Variants in SYBU observed in about 807,000 individuals in gnomAD.
The protein encoded by SYBU is syntabulin, also known as GOLSYN A protein.
Under a neutral mutation model 35.9 loss-of-function variants are expected in SYBU, and 21 were observed. The observed-to-expected ratio is 0.58, with a 90% CI of 0.41 to 0.84. The LOEUF (loss-of-function observed/expected upper bound fraction) is 0.84. Ranked by LOEUF, SYBU falls within the 40% of genes least tolerant of loss-of-function variation. The pLI is 0.00. For missense variants in SYBU, 768 were observed against 848.2 expected, an observed-to-expected ratio of 0.91 and a Z score of 1.17; for synonymous variants, 319 against 324.3, an observed-to-expected ratio of 0.98 and a Z score of 0.18.
chr8:109,576,572 A>G (rs1264042057), intron 6 of SYBU, among the ~76,000 whole-genome samples: 1 of 152,212 alleles, frequency 6.6e-6, no homozygotes, highest in Non-Finnish European at 1.5e-5. Context: ...AATTGTTCAT[A>G]TGGTATTCCA....
intron 1 of SYBU, among the ~76,000 whole-genome samples, chr8:109,676,476 A>G (rs1325148342): frequency 6.6e-6 from 1 of 152,246 alleles, no homozygotes. Context: ...AATCACAAGC[A>G]TTCTTATCTC....
rs150205342 is a variant in SYBU, at chr8:109,637,061, C to A, written c.229+5667G>T. Among the ~76,000 whole-genome samples the A allele has an allele frequency of 1.4e-3, 214 of 152,270 alleles. 1 individual carries two copies. The Middle Eastern group carries it at 0.017, about 12-fold the overall frequency. ...ACCCCTCATACTCCTCATACCAAAT[C>A]CCCAAATACACACAGACCACAAAGA... On this transcript the variant is annotated intron_variant, in intron 2 of 6. Coordinates refer to ENST00000276646, the MANE Select transcript of SYBU (RefSeq NM_001099754.2).
At position 109,575,547 on chromosome 8, in the gene SYBU, T is replaced by C. The variant is rs376741303; in HGVS notation, c.1351A>G (p.Thr451Ala). 1.2e-6 allele frequency: 2 copies of C among 1,614,018 alleles called. No individual in the cohort carries two copies. The highest frequency in any genetic ancestry group is 2.7e-5 in the African/African-American group (2 of 74,916). ...LFDEIVTATT[T>A]ESGDLELVHS... Reference sequence around the variant, plus strand: ...ACAAGCTCCAGGTCACCAGATTCTGTGGTGGTGGCTGTCACTATCTCATCG... The same window carrying C: ...ACAAGCTCCAGGTCACCAGATTCTGCGGTGGTGGCTGTCACTATCTCATCG... Residue 451 changes from threonine (T) to alanine (A), a missense_variant, in exon 7 of 7, where the codon ACA becomes GCA. Physicochemically the swap from Thr to Ala is moderately conservative, Grantham distance 58. Transcript: ENST00000276646.
chr8:109,638,078 T>C (rs1269834374), intron 2 of SYBU, among the ~76,000 whole-genome samples: 1 of 152,204 alleles, frequency 6.6e-6, no homozygotes, highest in Non-Finnish European at 1.5e-5. Flanking sequence ...ATAACTCAGA[T>C]AAATTACTGT....
upstream of SYBU, among the ~76,000 whole-genome samples, chr8:109,684,346 T>A (rs1404646677): frequency 6.6e-6 from 1 of 152,222 alleles, no homozygotes; most frequent in East Asian, 1.9e-4. Flanking sequence ...GTGAGTTAAG[T>A]TCAGGATGAT....
rs533594493 is a variant in SYBU, at chr8:109,686,826, T to C, written c.-58+4507A>G. On this transcript the variant is annotated intron_variant, in intron 1 of 7. Transcript: ENST00000422135. ...GAGATTAAATTCATATTTCATTCCT[T>C]ATTTTCAGAGAAATAGATAATTTCT... Among the ~76,000 whole-genome samples, 6 of 152,314 alleles carry C rather than the reference T, an allele frequency of 3.9e-5. No homozygotes were observed. The South Asian group carries it at 1.0e-3, about 26-fold the overall frequency.
chr8:109,642,946 ATC>A lies in SYBU; in HGVS notation c.25-16_25-15del, dbSNP rs1490417423. The stretch of plus-strand genomic sequence containing the variant: ...TCTGTGCTCCTTCTCAAAATTGGAC[ATC>A]AAAAAAGAAAACAAAAGGAAACGCG... On this transcript the variant is annotated splice_polypyrimidine_tract_variant and intron_variant, in intron 1 of 6. Coordinates refer to ENST00000276646, the MANE Select transcript of SYBU (RefSeq NM_001099754.2). 1 of 1,454,540 alleles carries A rather than the reference ATC, an allele frequency of 6.9e-7. No homozygotes were observed. The highest frequency in any genetic ancestry group is 9.1e-7 in the Non-Finnish European group (1 of 1,097,440). 90.1% of individuals were successfully genotyped at this position (1,454,540 alleles called of 1,614,324 possible). A position where few individuals can be genotyped will look rare whatever the true frequency, so the allele number is the denominator to read the frequency against.
intron 1 of SYBU, among the ~76,000 whole-genome samples, chr8:109,679,052 A>C (rs888805280): frequency 1.7e-4 from 26 of 152,102 alleles, no homozygotes; most frequent in Non-Finnish European, 2.9e-5. Context: ...GCTGGCCTAA[A>C]CCCACCAAAA....
At chr8:109,667,571 A>T (rs1457711927) in intron 1 of SYBU, among the ~76,000 whole-genome samples, 1 of 151,454 alleles carries the variant, frequency 6.6e-6, no homozygotes, top group Non-Finnish European at 1.5e-5. Flanking sequence ...CTACCACATA[A>T]AATACTGTGC....
At chr8:109,628,706 C>T (rs188055862) in intron 2 of SYBU, among the ~76,000 whole-genome samples, 2 of 151,930 alleles carry the variant, frequency 1.3e-5, no homozygotes, top group Admixed American at 6.6e-5. Flanking sequence ...TCTATAGTCC[C>T]GGCTATGCAG....
chr8:109,641,622 C>T (rs903357793), intron 2 of SYBU, among the ~76,000 whole-genome samples: 7 of 152,228 alleles, frequency 4.6e-5, no homozygotes, highest in Non-Finnish European at 8.8e-5. Context: ...CTATAACTCT[C>T]CTTGATCTTG....
chr8:109,598,162 C>T (rs1825109459), intron 3 of SYBU, among the ~76,000 whole-genome samples: 1 of 152,210 alleles, frequency 6.6e-6, no homozygotes, highest in Non-Finnish European at 1.5e-5. Context: ...CCTGAGATCC[C>T]CCAGCAGCTT....
At chr8:109,680,637 C>A (rs749715688) in intron 1 of SYBU, 1 of 147,840 alleles carries the variant, frequency 6.8e-6, no homozygotes, top group South Asian at 2.2e-4. Flanking sequence ...AATATTTTTA[C>A]GACAAATCTT....
At chr8:109,623,369 G>A (rs1203252985) in intron 2 of SYBU, among the ~76,000 whole-genome samples, 2 of 152,108 alleles carry the variant, frequency 1.3e-5, no homozygotes, top group Non-Finnish European at 2.9e-5. Context: ...TGTTGTTCTT[G>A]TTCATTTGCT....
chr8:109,636,912 C>T (rs1351904659), intron 2 of SYBU, among the ~76,000 whole-genome samples: 5 of 152,132 alleles, frequency 3.3e-5, no homozygotes, highest in Admixed American at 2.6e-4. Flanking sequence ...CTACAATTTC[C>T]AGGGACTGTG....
intron 3 of SYBU, among the ~76,000 whole-genome samples, chr8:109,600,879 C>T (rs1369026725): frequency 6.6e-6 from 1 of 152,118 alleles, no homozygotes; most frequent in Non-Finnish European, 1.5e-5. Flanking sequence ...CTCTTATGAA[C>T]AAGGTCGACA....
chr8:109,624,447 CA>C (rs1323390323), intron 2 of SYBU, among the ~76,000 whole-genome samples: 1 of 152,154 alleles, frequency 6.6e-6, no homozygotes, highest in Non-Finnish European at 1.5e-5. Context: ...GATGGAATAA[CA>C]GAAATAGAAA....
intron 3 of SYBU, among the ~76,000 whole-genome samples, chr8:109,598,666 A>T (rs1280601188): frequency 2.6e-5 from 4 of 152,216 alleles, no homozygotes; most frequent in Non-Finnish European, 5.9e-5. Context: ...ATTCTTCCAT[A>T]TGGGCACTGT....
chr8:109,669,052 C>G (rs926715945), intron 1 of SYBU, among the ~76,000 whole-genome samples: 1 of 152,032 alleles, frequency 6.6e-6, no homozygotes, highest in African/African-American at 2.4e-5. Flanking sequence ...CTTTAAAAAG[C>G]AACTGATCGG....
Sources: allele counts gnomAD v4.1 joint callset (sites outside exome capture counted in the v4.1 genomes callset), GRCh38; gene constraint gnomAD v4.1.1; transcripts MANE v1.5; gene names NCBI Gene and HGNC (gene_info 2026-07-23, HGNC 2026-07-21).